The following BBOF1 variants were observed in gnomAD, a reference collection of about 807,000 sequenced individuals.
BBOF1 encodes the protein basal body-orientation factor 1.
In BBOF1, 62 loss-of-function variants were observed where a neutral mutation model predicts 68.0. The ratio of observed to expected loss-of-function variants is 0.91; its 90% CI spans 0.74 to 1.13. The LOEUF (loss-of-function observed/expected upper bound fraction) is 1.13. Ranked by LOEUF, BBOF1 falls within the 50% of genes most tolerant of loss-of-function variation. The pLI, the probability that BBOF1 is intolerant of heterozygous loss-of-function variation, is 0.00. For missense variants in BBOF1, 534 were observed against 600.1 expected (o/e 0.89, Z 1.15); for synonymous variants, 208 against 198.8 (o/e 1.05, Z -0.39).
At chr14:74,067,396 G>GT, downstream of BBOF1, 1 of 1,613,522 alleles carries the variant, frequency 6.2e-7, no homozygotes, top group Non-Finnish European at 8.5e-7. Flanking sequence ...TGACTCTCAG[G>GT]TTTTTGGCAT....
intron 5 of BBOF1, 109 bp from the exon 6 acceptor site, chr14:74,045,951 G>A (rs1305159587): frequency 1.2e-5 from 11 of 910,720 alleles, no homozygotes; most frequent in Non-Finnish European, 1.8e-5. Context: ...GTTCTTTCAG[G>A]TCATGGGGAC....
chr14:74,079,073 G>A (rs940711878), intron 10 of BBOF1, among the ~76,000 whole-genome samples: 3 of 151,672 alleles, frequency 2.0e-5, no homozygotes, highest in African/African-American at 7.3e-5. Flanking sequence ...TAACTATCTA[G>A]ATCCTGATGA....
intron 9 of BBOF1, chr14:74,071,582 AGTG>A: frequency 6.2e-7 from 1 of 1,608,304 alleles, no homozygotes; most frequent in Non-Finnish European, 8.5e-7. Flanking sequence ...GAGGACAGGA[AGTG>A]GTTCAGGCCA....
intron 9 of BBOF1, chr14:74,072,590 C>T (rs375512025): frequency 2.5e-6 from 4 of 1,613,886 alleles, no homozygotes; most frequent in African/African-American, 1.3e-5. Context: ...AATTTCCCAC[C>T]AATGAAGAGC....
intron 2 of BBOF1, among the ~76,000 whole-genome samples, chr14:74,024,245 C>G (rs1000615689): frequency 1.3e-5 from 2 of 151,946 alleles, no homozygotes; most frequent in Non-Finnish European, 2.9e-5. Flanking sequence ...GATAACTTAG[C>G]TTAGGAGTTC....
rs754123762 is a variant in BBOF1 at position 74,046,089 on chromosome 14, GATA to G, written c.612_614del (p.Ile204del). Reference sequence around the variant, plus strand: ...GACTAGAACAAGAGGCTGAAAAGAAGATAATAATGCTAGCAGAGAGAGCCCACC... The same window carrying G: ...GACTAGAACAAGAGGCTGAAAAGAAGATAATGCTAGCAGAGAGAGCCCACC... On this transcript the variant is annotated inframe_deletion, in exon 6 of 12. Coordinates refer to ENST00000394009, the MANE Select transcript of BBOF1 (RefSeq NM_025057.3). The G allele has an allele frequency of 2.5e-6, 4 of 1,609,098 alleles. No individual in the cohort carries two copies. The highest frequency in any genetic ancestry group is 3.4e-6 in the Non-Finnish European group (4 of 1,177,774).
intron 3 of BBOF1, among the ~76,000 whole-genome samples, chr14:74,033,703 C>T (rs1490845745): frequency 2.0e-5 from 3 of 151,974 alleles, no homozygotes; most frequent in Non-Finnish European, 4.4e-5. Context: ...GGTGAAACAC[C>T]GTCTCTACTA....
intron 9 of BBOF1, chr14:74,072,551 C>T (rs779007737): frequency 3.3e-5 from 54 of 1,614,042 alleles, no homozygotes; most frequent in Non-Finnish European, 4.3e-5. Context: ...TTGTGGATAT[C>T]GATCCATTTG....
intron 2 of BBOF1, among the ~76,000 whole-genome samples, chr14:74,028,341 C>G (rs1293466107): frequency 1.3e-5 from 2 of 151,876 alleles, no homozygotes; most frequent in East Asian, 3.9e-4. Context: ...TGCAGTCCAG[C>G]CTGGGCGACA....
At chr14:74,036,973 C>CTTTTTTTTTT (rs548819182) in intron 4 of BBOF1, among the ~76,000 whole-genome samples, 6 of 104,406 alleles carry the variant, frequency 5.7e-5, no homozygotes, top group Non-Finnish European at 7.8e-5. Context: ...TTTCTTTTTT[C>CTTTTTTTTTT]TTTTTTTTTT....
intron 4 of BBOF1, among the ~76,000 whole-genome samples, chr14:74,034,993 G>T (rs1391850128): frequency 1.3e-5 from 2 of 152,162 alleles, no homozygotes; most frequent in Non-Finnish European, 2.9e-5. Flanking sequence ...TTGGGAGGCT[G>T]AGGTGGGAGG....
chr14:74,048,212 A>C, intron 7 of BBOF1, 138 bp downstream of exon 7: 1 of 729,762 alleles, frequency 1.4e-6, no homozygotes, highest in Non-Finnish European at 2.2e-6. Flanking sequence ...CACTTTTTTT[A>C]TCTGAAAAGG....
At chr14:74,033,856 A>G (rs906505991) in intron 3 of BBOF1, among the ~76,000 whole-genome samples, 172 bp from the exon 4 acceptor site, 2 of 151,994 alleles carry the variant, frequency 1.3e-5, no homozygotes, top group Admixed American at 6.6e-5. Flanking sequence ...ACAGAGCAAG[A>G]CTCCATCTCA....
intron 9 of BBOF1, chr14:74,072,363 G>T: frequency 6.2e-7 from 1 of 1,614,120 alleles, no homozygotes; most frequent in Non-Finnish European, 8.5e-7. Context: ...CTCATTGGTG[G>T]CCTGATGAGA....
chr14:74,046,426 G>A (rs1392482636), intron 6 of BBOF1, among the ~76,000 whole-genome samples: 1 of 151,744 alleles, frequency 6.6e-6, no homozygotes, highest in Non-Finnish European at 1.5e-5. Flanking sequence ...AGGCTGGAGT[G>A]CAGCGGCATG....
chr14:74,038,205 A>T (rs1234087976), intron 4 of BBOF1, among the ~76,000 whole-genome samples: 6 of 152,224 alleles, frequency 3.9e-5, no homozygotes, highest in Non-Finnish European at 8.8e-5. Context: ...TCTTTGCTAA[A>T]TGCTGAGCGG....
intron 9 of BBOF1, chr14:74,071,814 A>G: frequency 1.3e-6 from 2 of 1,530,476 alleles, no homozygotes; most frequent in South Asian, 1.1e-5. Flanking sequence ...GTAAAGGAAG[A>G]AGCAACCTCC....
chr14:74,035,584 A>ATTTTTTTTTTTTTTTTTTTTTT (rs71460945), intron 4 of BBOF1, among the ~76,000 whole-genome samples: 1 of 81,392 alleles, frequency 1.2e-5, no homozygotes. Context: ...CCCCCAGCTA[A>ATTTTTTTTTTTTTTTTTTTTTT]TTTTTTTTTT....
intron 6 of BBOF1, among the ~76,000 whole-genome samples, chr14:74,047,594 C>G (rs142467477): frequency 6.6e-6 from 1 of 151,900 alleles, no homozygotes; most frequent in Non-Finnish European, 1.5e-5. Flanking sequence ...CAAACCACCA[C>G]GTCTGGCTAA....
Sources: gnomAD v4.1 joint callset for allele counts (sites outside exome capture counted in the v4.1 genomes callset) on GRCh38, gnomAD v4.1.1 for gene constraint, MANE v1.5 for transcripts, NCBI Gene and HGNC (gene_info 2026-07-23, HGNC 2026-07-21) for gene names.